C1RL: variants seen among roughly 807,000 people sequenced by gnomAD.
C1RL encodes the protein complement C1r subcomponent-like protein.
In C1RL, 27 loss-of-function variants were observed where a neutral mutation model predicts 27.9. The observed-to-expected ratio is 0.97, with a 90% CI of 0.71 to 1.33. C1RL has a LOEUF of 1.33. C1RL is among the 40% of genes most tolerant of loss of function. The pLI is 0.00. For synonymous variants in C1RL, 248 were observed against 252.1 expected (o/e 0.98, Z 0.15); for missense variants, 563 against 623.9 (o/e 0.90, Z 1.04).
In C1RL at chr12:7,096,286, A is replaced by AACCCCCC; in HGVS notation, c.*98_*104dup. The AACCCCCC allele has an allele frequency of 8.8e-6, 1 of 113,508 alleles. No individual in the cohort carries two copies. The highest frequency in any genetic ancestry group is 1.1e-5 in the Non-Finnish European group (1 of 88,676). 7.0% of individuals were successfully genotyped at this position (113,508 alleles called of 1,614,324 possible). On this transcript the variant is annotated 3_prime_UTR_variant, in exon 6 of 6. Coordinates refer to ENST00000266542, the MANE Select transcript of C1RL (RefSeq NM_016546.4). ...TGAATAGGATTTCCCTGCCTCCCCC[A>AACCCCCC]ACCCCCCACCCCCAACCCCTACCCC...
In C1RL at chr12:7,096,772, G is replaced by T; in HGVS notation, c.1083C>A (p.Pro361=). Residue 361 remains proline (P), a synonymous_variant, in exon 6 of 6, where the codon CCC becomes CCA. Coordinates refer to ENST00000266542, the MANE Select transcript of C1RL (RefSeq NM_016546.4). ...CGCTGCGGTAGAGGGTCTCATTATC[G>T]GGCAGACAGACCGGGAGGACGTTGG... ...LGPNVLPVCL[P]DNETLYRSGL... is the part of the protein sequence containing the mutation. 1 of 1,607,526 alleles carries T rather than the reference G, an allele frequency of 6.2e-7. No individual in the cohort carries two copies. The highest frequency in any genetic ancestry group is 8.5e-7 in the Non-Finnish European group (1 of 1,176,302).
Position 7,096,991 on chromosome 12 carries a change from C to T in C1RL, c.864G>A (p.Lys288=). 6.2e-7 allele frequency: 1 copy of T among 1,614,160 alleles called. No homozygotes were observed. Among genetic ancestry groups the T allele is most frequent in the Non-Finnish European group, 8.5e-7 (1 of 1,180,024 alleles). ...GGTTCTTCCTGAGAGAAACACTGTC[C>T]TTGGGGTAGATGGTGTGGGCAGCAG... is the stretch of plus-strand genomic sequence containing the variant. The part of the protein sequence containing the change: ...ILTAAHTIYP[K]DSVSLRKNQS... The change falls in exon 6 of 6, where the codon AAG becomes AAA. Residue 288 remains lysine, a synonymous_variant. Transcript: ENST00000266542.
chr12:7,095,379 G>A lies in C1RL; in HGVS notation c.*1012C>T. On this transcript the variant is annotated 3_prime_UTR_variant, in exon 6 of 6. Coordinates refer to ENST00000266542, the MANE Select transcript of C1RL (RefSeq NM_016546.4). The stretch of plus-strand genomic sequence containing the variant: ...TCCACCCACCTCGGACTCCTAAGGT[G>A]TTGGGATTACAGGCGTGAGCCACTG... 1 of 1,021,884 alleles carries A rather than the reference G, an allele frequency of 9.8e-7. No individual in the cohort carries two copies. The highest frequency in any genetic ancestry group is 1.2e-6 in the Non-Finnish European group (1 of 848,922). 63.3% of individuals were successfully genotyped at this position (1,021,884 alleles called of 1,614,324 possible).
chr12:7,103,607 T>C (rs995681411), intron 2 of C1RL, among the ~76,000 whole-genome samples: 14 of 152,228 alleles, frequency 9.2e-5, no homozygotes, highest in Non-Finnish European at 1.9e-4. Context: ...TTAACACATT[T>C]ACTGGTTGTG....
chr12:7,108,375 T>C lies in C1RL; in HGVS notation c.176A>G (p.Glu59Gly). 1 of 1,614,170 alleles carries C rather than the reference T, an allele frequency of 6.2e-7. No individual in the cohort carries two copies. The highest frequency in any genetic ancestry group is 8.5e-7 in the Non-Finnish European group (1 of 1,180,006). Reference protein sequence around the residue: ...PQQLTSPGYPEPYGKGQESST... With the variant: ...PQQLTSPGYPGPYGKGQESST... ...GCTCTCTTGGCCTTTGCCATACGGCTCTGGGTACCCGGGGGATGTCAGCTG... is the reference window on the plus strand; with the variant it reads ...GCTCTCTTGGCCTTTGCCATACGGCCCTGGGTACCCGGGGGATGTCAGCTG... Residue 59 changes from glutamate to glycine, a missense_variant, in exon 2 of 6, where the codon GAG becomes GGG. Coordinates refer to ENST00000266542, the MANE Select transcript of C1RL (RefSeq NM_016546.4).
intron 5 of C1RL, 31 bp from the exon 6 acceptor site, chr12:7,097,194 C>G: frequency 6.4e-7 from 1 of 1,561,672 alleles, no homozygotes; most frequent in Non-Finnish European, 8.7e-7. Context: ...GGGTGACAGT[C>G]AGCAGCTGCA....
intron 5 of C1RL, among the ~76,000 whole-genome samples, chr12:7,097,578 G>A (rs1224072777): frequency 1.3e-5 from 2 of 152,134 alleles, no homozygotes; most frequent in Non-Finnish European, 2.9e-5. Context: ...CACCGCGCCT[G>A]GCCGGGATCA....
At position 7,094,788 on chromosome 12, in the gene C1RL, A is replaced by G; in HGVS notation, c.*1603T>C. ...GCGATGGGGTTTCACTATGTTGCTT[A>G]GGCTGGACTTCAACTCCTGGGCTCA... On this transcript the variant is annotated 3_prime_UTR_variant, in exon 6 of 6. Transcript: ENST00000266542. The G allele has an allele frequency of 1.1e-6, 1 of 950,138 alleles. No individual in the cohort carries two copies. Among genetic ancestry groups the G allele is most frequent in the Non-Finnish European group, 1.3e-6 (1 of 797,986 alleles). 58.9% of individuals were successfully genotyped at this position (950,138 alleles called of 1,614,324 possible). A position where few individuals can be genotyped will look rare whatever the true frequency, so the allele number is the denominator to read the frequency against.
At chr12:7,102,776 G>A (rs897182346) in intron 2 of C1RL, among the ~76,000 whole-genome samples, 2 of 152,332 alleles carry the variant, frequency 1.3e-5, no homozygotes, top group African/African-American at 4.8e-5. Context: ...GGATGGTGTT[G>A]CTTCATCGGG....
chr12:7,096,323 C>T lies in C1RL; in HGVS notation c.*68G>A. The T allele has an allele frequency of 8.4e-7, 1 of 1,193,182 alleles. No individual in the cohort carries two copies. Among genetic ancestry groups the T allele is most frequent in the Non-Finnish European group, 1.1e-6 (1 of 929,624 alleles). The allele number at this position is 1,193,182 out of a possible 1,614,324, so 73.9% of individuals were successfully genotyped here. ...CCAACCCCTACCCCAGTGTTCAGTC[C>T]TCACTCCAGGCCCTCTGTTGCCTGG... On this transcript the variant is annotated 3_prime_UTR_variant, in exon 6 of 6. Coordinates refer to ENST00000266542, the MANE Select transcript of C1RL (RefSeq NM_016546.4).
intron 1 of C1RL, 120 bp downstream of exon 1, chr12:7,108,972 TGTGTGTGTGTGTGTGTGG>T (rs1938852562): frequency 9.0e-6 from 3 of 333,812 alleles, no homozygotes; most frequent in Non-Finnish European, 5.1e-6. Flanking sequence ...GGGAGGTGTG[TGTGTGTGTGTGTGTGTGG>T]GGGGGGGGGG....
At position 7,108,580 on chromosome 12, in the gene C1RL, G is replaced by A. The variant is rs1211560106; in HGVS notation, c.72-101C>T. 3.0e-5 allele frequency: 26 copies of A among 868,644 alleles called. No homozygotes were observed. The East Asian group carries it at 6.4e-4, about 21-fold the overall frequency. The allele number at this position is 868,644 out of a possible 1,614,324, so 53.8% of individuals were successfully genotyped here. A position where few individuals can be genotyped will look rare whatever the true frequency, so the allele number is the denominator to read the frequency against. On this transcript the variant is annotated intron_variant, in intron 1 of 5. Transcript: ENST00000266542. Reference sequence around the variant, plus strand: ...AGCCGCGCTAGGACTCAGAGGCCTCGCGAGGCAGGGCTAGAAGCTGTGGCC... The same window carrying A: ...AGCCGCGCTAGGACTCAGAGGCCTCACGAGGCAGGGCTAGAAGCTGTGGCC...
Position 7,095,281 on chromosome 12 carries a change from A to G in C1RL, c.*1110T>C. On this transcript the variant is annotated 3_prime_UTR_variant, in exon 6 of 6. Coordinates refer to ENST00000266542, the MANE Select transcript of C1RL (RefSeq NM_016546.4). ...CAGGCACGTGTCACCACGCCCGGCT[A>G]ATTTTTGTATTTTTAGTAGAGATGG... 1 of 794,648 alleles carries G rather than the reference A, an allele frequency of 1.3e-6. No homozygotes were observed. Among genetic ancestry groups the G allele is most frequent in the Non-Finnish European group, 1.6e-6 (1 of 619,262 alleles). 49.2% of individuals were successfully genotyped at this position (794,648 alleles called of 1,614,324 possible).
intron 2 of C1RL, among the ~76,000 whole-genome samples, chr12:7,107,601 G>A (rs1938802262): frequency 1.3e-5 from 2 of 151,896 alleles, no homozygotes; most frequent in South Asian, 4.2e-4. Context: ...TAAATCAAAA[G>A]ATAATGTGCT....
chr12:7,102,468 G>A (rs374426460), intron 2 of C1RL, among the ~76,000 whole-genome samples: 2 of 152,178 alleles, frequency 1.3e-5, no homozygotes, highest in Admixed American at 6.5e-5. Context: ...GGTGCTCAGC[G>A]TGGTACCTAC....
intron 3 of C1RL, among the ~76,000 whole-genome samples, chr12:7,100,321 A>AT (rs956958601): frequency 2.6e-5 from 4 of 152,276 alleles, no homozygotes; most frequent in African/African-American, 9.6e-5. Context: ...AAATGCAAAT[A>AT]TTTTTTAACC....
intron 4 of C1RL, 64 bp from the exon 5 acceptor site, chr12:7,099,824 C>G: frequency 6.2e-7 from 1 of 1,612,874 alleles, no homozygotes; most frequent in Non-Finnish European, 8.5e-7. Flanking sequence ...GTTAACGAAG[C>G]AGGTGCTCAG....
rs1938617760 is a variant in C1RL, at chr12:7,101,191, C to T, written c.490+707G>A. Among the ~76,000 whole-genome samples the T allele has an allele frequency of 8.1e-5, 3 of 37,130 alleles. No homozygotes were observed. In the Admixed American group the frequency reaches 9.5e-4, roughly 12 times the overall value. 24.4% of individuals were successfully genotyped at this position (37,130 alleles called of 152,430 possible). A position where few individuals can be genotyped will look rare whatever the true frequency, so the allele number is the denominator to read the frequency against. ...TTACTTTCCCTCTCTCCCTCCCTCC[C>T]TTCTTTCTTTCCCTCTTTCTCCTTT... On this transcript the variant is annotated intron_variant, in intron 3 of 5. Transcript: ENST00000266542.
intron 5 of C1RL, among the ~76,000 whole-genome samples, chr12:7,099,095 G>A (rs950822888): frequency 1.1e-4 from 16 of 150,650 alleles, no homozygotes; most frequent in Middle Eastern, 3.2e-3. Flanking sequence ...CATAGTGGCA[G>A]GTGCCTGTAA....
Sources: allele counts gnomAD v4.1 joint callset (sites outside exome capture counted in the v4.1 genomes callset), GRCh38; gene constraint gnomAD v4.1.1; transcripts MANE v1.5; gene names NCBI Gene and HGNC (gene_info 2026-07-23, HGNC 2026-07-21).